LRRTM4: variants seen among roughly 807,000 people sequenced by gnomAD.
LRRTM4 encodes leucine-rich repeat transmembrane neuronal protein 4.
In LRRTM4, 25 loss-of-function variants were observed where a neutral mutation model predicts 47.6. That is an observed-to-expected ratio of 0.53 (90% CI 0.38 to 0.73). The LOEUF is 0.73. Ranked by LOEUF, LRRTM4 falls within the 30% of genes least tolerant of loss-of-function variation. LRRTM4 has a pLI of 0.00. For missense variants in LRRTM4, 638 were observed against 713.4 expected, an observed-to-expected ratio of 0.89 and a Z score of 1.20; for synonymous variants, 311 against 269.5, an observed-to-expected ratio of 1.15 and a Z score of -1.51.
At chr2:76,875,691 T>C (rs957972844) in intron 3 of LRRTM4, among the ~76,000 whole-genome samples, 4 of 152,168 alleles carry the variant, frequency 2.6e-5, no homozygotes, top group Non-Finnish European at 5.9e-5. Context: ...TCTTAATACC[T>C]AATTACCCAC....
At chr2:76,759,574 G>C (rs1673178783) in intron 3 of LRRTM4, among the ~76,000 whole-genome samples, 1 of 152,064 alleles carries the variant, frequency 6.6e-6, no homozygotes, top group African/African-American at 2.4e-5. Flanking sequence ...TTTGTAAAAG[G>C]GGTCAGGTTC....
intron 3 of LRRTM4, among the ~76,000 whole-genome samples, chr2:77,097,803 T>C (rs772770753): frequency 2.0e-5 from 3 of 151,722 alleles, no homozygotes; most frequent in Non-Finnish European, 4.4e-5. Flanking sequence ...GACACAAAAA[T>C]GTAAAATGAA....
At chr2:77,046,985 G>A (rs536376162) in intron 3 of LRRTM4, among the ~76,000 whole-genome samples, 2 of 152,080 alleles carry the variant, frequency 1.3e-5, no homozygotes, top group South Asian at 2.1e-4. Context: ...CTCCTCTCTC[G>A]GAGCAAATGT....
chr2:77,320,307 A>C (rs1306955370), intron 3 of LRRTM4, among the ~76,000 whole-genome samples: 4 of 152,218 alleles, frequency 2.6e-5, no homozygotes, highest in Non-Finnish European at 4.4e-5. Flanking sequence ...CAACTGGTAC[A>C]TACGAGTTAT....
intron 3 of LRRTM4, among the ~76,000 whole-genome samples, chr2:76,995,222 G>A (rs1253122160): frequency 6.6e-6 from 1 of 152,004 alleles, no homozygotes; most frequent in Non-Finnish European, 1.5e-5. Context: ...TATTTCCTAT[G>A]AATTAAGTTT....
At chr2:76,887,372 C>A (rs1573259037) in intron 3 of LRRTM4, among the ~76,000 whole-genome samples, 2 of 151,224 alleles carry the variant, frequency 1.3e-5, no homozygotes, top group East Asian at 3.9e-4. Flanking sequence ...TTTCTAAACC[C>A]TGCACCAAGG....
At chr2:77,184,972 CTCTT>C (rs1673460222) in intron 3 of LRRTM4, among the ~76,000 whole-genome samples, 1 of 151,594 alleles carries the variant, frequency 6.6e-6, no homozygotes, top group Admixed American at 6.6e-5. Flanking sequence ...ATTAAAGAAA[CTCTT>C]TGTTGAGGTC....
chr2:77,485,851 C>T (rs901122782), intron 3 of LRRTM4, among the ~76,000 whole-genome samples: 1 of 152,168 alleles, frequency 6.6e-6, no homozygotes, highest in Admixed American at 6.6e-5. Context: ...CCATCTCAGC[C>T]TCCCAAGTAG....
intron 3 of LRRTM4, among the ~76,000 whole-genome samples, chr2:77,175,543 C>T (rs971698332): frequency 1.3e-5 from 2 of 152,106 alleles, no homozygotes; most frequent in Admixed American, 1.3e-4. Context: ...TCCATTATCT[C>T]AAGCAGCAGA....
At position 76,774,713 on chromosome 2, in the gene LRRTM4, G is replaced by A. The variant is rs534395734; in HGVS notation, c.1552-25797C>T. On this transcript the variant is annotated intron_variant, in intron 3 of 3. Coordinates refer to ENST00000409884, the MANE Select transcript of LRRTM4 (RefSeq NM_001134745.3). ...GAGGCAGGAGAGTCAGGCACATTCCGTGTAACTTTATGGAAACACATCATA... is the reference window on the plus strand; with the variant it reads ...GAGGCAGGAGAGTCAGGCACATTCCATGTAACTTTATGGAAACACATCATA... 7.2e-4 allele frequency among the ~76,000 whole-genome samples: 109 copies of A among 152,182 alleles called. No individual in the cohort carries two copies. In the South Asian group the frequency reaches 0.018, roughly 25 times the overall value.
At chr2:76,832,441 C>T (rs1370415607) in intron 3 of LRRTM4, among the ~76,000 whole-genome samples, 1 of 146,926 alleles carries the variant, frequency 6.8e-6, no homozygotes, top group Non-Finnish European at 1.5e-5. Context: ...AGTTTCAGTG[C>T]ATCCTCGAAG....
chr2:77,412,217 G>A (rs1360936494), intron 3 of LRRTM4, among the ~76,000 whole-genome samples: 2 of 152,160 alleles, frequency 1.3e-5, no homozygotes, highest in African/African-American at 4.8e-5. Context: ...ACTAGACATA[G>A]GTAAAAAATT....
intron 3 of LRRTM4, among the ~76,000 whole-genome samples, chr2:76,886,447 T>G (rs1673079115): frequency 1.3e-5 from 2 of 152,118 alleles, no homozygotes. Context: ...CAAGAGTAAG[T>G]GAACATTTCC....
intron 3 of LRRTM4, chr2:77,517,741 C>T: frequency 4.1e-6 from 4 of 983,510 alleles, no homozygotes; most frequent in Non-Finnish European, 4.8e-6. Context: ...TACAATTACA[C>T]AGTAGGCCTC....
At chr2:77,294,775 A>G (rs905020279) in intron 3 of LRRTM4, among the ~76,000 whole-genome samples, 4 of 152,176 alleles carry the variant, frequency 2.6e-5, no homozygotes, top group African/African-American at 4.8e-5. Context: ...AGAAAAATGT[A>G]TCTTCTTTGC....
chr2:76,833,258 A>C (rs770767549), intron 3 of LRRTM4, among the ~76,000 whole-genome samples: 16 of 152,162 alleles, frequency 1.1e-4, no homozygotes, highest in Non-Finnish European at 1.5e-4. Context: ...ATTTTCCTTT[A>C]AAAGAATCCT....
chr2:76,894,252 A>G (rs1487480640), intron 3 of LRRTM4, among the ~76,000 whole-genome samples: 1 of 152,082 alleles, frequency 6.6e-6, no homozygotes, highest in Non-Finnish European at 1.5e-5. Flanking sequence ...TGCACATGCT[A>G]GAAAACCTTA....
chr2:76,956,370 G>T (rs1325173015), intron 3 of LRRTM4, among the ~76,000 whole-genome samples: 1 of 151,406 alleles, frequency 6.6e-6, no homozygotes, highest in African/African-American at 2.4e-5. Context: ...AAGGTAAGGG[G>T]AACAATTTGT....
chr2:77,097,402 G>C (rs150220657), intron 3 of LRRTM4, among the ~76,000 whole-genome samples: 270 of 151,918 alleles, frequency 1.8e-3, no homozygotes, highest in African/African-American at 6.4e-3. Context: ...CTTTGCATTT[G>C]GTAGTTTGAA....
Sources: gnomAD v4.1 joint callset for allele counts (sites outside exome capture counted in the v4.1 genomes callset) on GRCh38, gnomAD v4.1.1 for gene constraint, MANE v1.5 for transcripts, NCBI Gene and HGNC (gene_info 2026-07-23, HGNC 2026-07-21) for gene names.